The following MINK1 variants were observed in gnomAD, a reference collection of about 807,000 sequenced individuals.
The protein encoded by MINK1 is misshapen-like kinase 1.
Under a neutral mutation model 178.4 loss-of-function variants are expected in MINK1, and 46 were observed. The observed-to-expected ratio is 0.26, with a 90% CI of 0.20 to 0.33. The LOEUF is 0.33. Ranked by LOEUF, MINK1 falls within the 10% of genes least tolerant of loss-of-function variation. The pLI is 1.00. For missense variants in MINK1, 1,366 were observed against 1,814.9 expected, an observed-to-expected ratio of 0.75 and a Z score of 4.49; for synonymous variants, 797 against 709.7, an observed-to-expected ratio of 1.12 and a Z score of -1.96.
chr17:4,861,349 T>C (rs1914138708), intron 1 of MINK1, among the ~76,000 whole-genome samples: 1 of 152,178 alleles, frequency 6.6e-6, no homozygotes, highest in Non-Finnish European at 1.5e-5. Flanking sequence ...TGTACAATTA[T>C]ACATCGTAAA....
Position 4,841,526 on chromosome 17 carries a change from C to G in MINK1, c.57+7886C>G, listed in dbSNP as rs142525068. ...TATGTTTTTTTCCCACAAAGCCCCC[C>G]CTCCGATTTTGCCAGCCTTTACTGA... On this transcript the variant is annotated intron_variant, in intron 1 of 31. Coordinates refer to ENST00000355280, the MANE Select transcript of MINK1 (RefSeq NM_153827.5). Among the ~76,000 whole-genome samples, 666 of 151,338 alleles carry G rather than the reference C, an allele frequency of 4.4e-3. 7 individuals are homozygous for G. Among genetic ancestry groups the G allele is most frequent in the African/African-American group, 0.015 (613 of 41,498 alleles).
chr17:4,884,875 A>G (rs368594953), intron 5 of MINK1, 37 bp from the exon 6 acceptor site: 1 of 1,593,134 alleles, frequency 6.3e-7, no homozygotes, highest in Non-Finnish European at 8.6e-7. Context: ...TACCCCATCC[A>G]ACACCATGGC....
chr17:4,889,437 G>T (rs1303135538), intron 12 of MINK1, among the ~76,000 whole-genome samples: 1 of 152,096 alleles, frequency 6.6e-6, no homozygotes, highest in Non-Finnish European at 1.5e-5. Flanking sequence ...CAGTCTCACA[G>T]CCTCTCTCGT....
chr17:4,841,185 C>T (rs1910163512), intron 1 of MINK1, among the ~76,000 whole-genome samples: 1 of 152,128 alleles, frequency 6.6e-6, no homozygotes, highest in South Asian at 2.1e-4. Flanking sequence ...GCACCAAATG[C>T]TTTTTGGTTC....
chr17:4,844,715 T>C (rs1910754755), intron 1 of MINK1: 1 of 327,058 alleles, frequency 3.1e-6, no homozygotes. Flanking sequence ...GAAGAGGACA[T>C]GCAGAAGACT....
intron 1 of MINK1, among the ~76,000 whole-genome samples, chr17:4,860,306 A>G (rs939558405): frequency 1.3e-5 from 2 of 151,752 alleles, no homozygotes; most frequent in Admixed American, 6.6e-5. Flanking sequence ...GCATTTCTAG[A>G]TTTCCACGTG....
intron 1 of MINK1, among the ~76,000 whole-genome samples, chr17:4,867,560 G>T (rs1290628129): frequency 6.6e-6 from 1 of 152,114 alleles, no homozygotes; most frequent in Non-Finnish European, 1.5e-5. Context: ...AGCACTTTGG[G>T]GGGCTAAGGT....
intron 1 of MINK1, among the ~76,000 whole-genome samples, chr17:4,855,727 G>A (rs1240657433): frequency 6.9e-5 from 10 of 144,392 alleles, no homozygotes; most frequent in Admixed American, 2.1e-4. Flanking sequence ...CCGAGATCGC[G>A]CCACTGCACT....
intron 1 of MINK1, among the ~76,000 whole-genome samples, chr17:4,861,921 A>C (rs1166652323): frequency 6.6e-6 from 1 of 152,252 alleles, no homozygotes; most frequent in Non-Finnish European, 1.5e-5. Flanking sequence ...CATGCTCACT[A>C]TGCGACAATA....
In MINK1 at chr17:4,886,169, C is replaced by T. The variant is rs991046799; in HGVS notation, c.744C>T (p.Asn248=). ...GAGCCCTCTTCCTCATTCCTCGGAA[C>T]CCTCCGCCCAGGCTCAAGTCCAAGA... is the stretch of plus-strand genomic sequence containing the variant. ...PMRALFLIPR[N]PPPRLKSKKW... Residue 248 remains asparagine (N), a synonymous_variant, in exon 9 of 32, where the codon AAC becomes AAT. Transcript: ENST00000355280. The surrounding 1 kb of genome is among the most constrained non-coding windows in gnomAD (Gnocchi z 6.1). 2.5e-6 allele frequency: 4 copies of T among 1,613,882 alleles called. No homozygotes were observed. The African/African-American group carries it at 5.3e-5, about 22-fold the overall frequency.
intron 2 of MINK1, among the ~76,000 whole-genome samples, chr17:4,879,488 CTTG>C (rs1328469604): frequency 1.3e-5 from 2 of 152,120 alleles, no homozygotes; most frequent in South Asian, 2.1e-4. Context: ...AATCTCTTGC[CTTG>C]TTGTTGCCAT....
chr17:4,851,212 T>G (rs1200922326), intron 1 of MINK1, among the ~76,000 whole-genome samples: 1 of 152,238 alleles, frequency 6.6e-6, no homozygotes, highest in Non-Finnish European at 1.5e-5. Flanking sequence ...TATGCAAATT[T>G]GTAGCATTTT....
intron 1 of MINK1, among the ~76,000 whole-genome samples, chr17:4,865,306 C>T (rs909028902): frequency 6.6e-6 from 1 of 151,078 alleles, no homozygotes; most frequent in Non-Finnish European, 1.5e-5. Context: ...TAGTGGTGGG[C>T]GCCTGTAATC....
chr17:4,867,871 C>A (rs755825008), intron 1 of MINK1, among the ~76,000 whole-genome samples: 1 of 151,778 alleles, frequency 6.6e-6, no homozygotes, highest in African/African-American at 2.4e-5. Context: ...TACATGTGAT[C>A]TTTTGATACA....
Position 4,887,742 on chromosome 17 carries a change from G to T in MINK1, c.1182G>T (p.Arg394=). The T allele has an allele frequency of 6.5e-7, 1 of 1,549,626 alleles. No homozygotes were observed. Among genetic ancestry groups the T allele is most frequent in the South Asian group, 1.2e-5 (1 of 83,738 alleles). Reference sequence around the variant, plus strand: ...ACATCAAACACCTGCTGCACCAGCGGCAGCGGCGCATAGAGGAGCAGAAGG... The same window carrying T: ...ACATCAAACACCTGCTGCACCAGCGTCAGCGGCGCATAGAGGAGCAGAAGG... ...EAHIKHLLHQ[R]QRRIEEQKEE... The change falls in exon 12 of 32, where the codon CGG becomes CGT. Residue 394 remains arginine (R), a synonymous_variant. Transcript: ENST00000355280. This position sits in a 1 kb window ranked among gnomAD's most constrained non-coding sequence, Gnocchi z 7.6.
intron 1 of MINK1, among the ~76,000 whole-genome samples, chr17:4,839,910 A>G (rs1350401133): frequency 6.6e-6 from 1 of 150,988 alleles, no homozygotes; most frequent in Non-Finnish European, 1.5e-5. Flanking sequence ...AGTAGTAGGG[A>G]GAGACATTAA....
rs1429287875 is a variant in MINK1, at chr17:4,887,260, C to T, written c.1019+81C>T. The T allele has an allele frequency of 2.1e-6, 3 of 1,409,486 alleles. No individual in the cohort carries two copies. In the Admixed American group the frequency reaches 5.9e-5, roughly 28 times the overall value. The allele number at this position is 1,409,486 out of a possible 1,614,324, so 87.3% of individuals were successfully genotyped here. On this transcript the variant is annotated intron_variant, in intron 11 of 31. Transcript: ENST00000355280. This position sits in a 1 kb window ranked among gnomAD's most constrained non-coding sequence, Gnocchi z 7.6. The stretch of plus-strand genomic sequence containing the variant: ...ACAGTGGTGCTTGGCTTTGGGGACT[C>T]TCAGCCTGGGGGTGGTGGGCACAGA...
chr17:4,835,491 G>A (rs932353581), intron 1 of MINK1, among the ~76,000 whole-genome samples: 1 of 152,182 alleles, frequency 6.6e-6, no homozygotes, highest in Non-Finnish European at 1.5e-5. Flanking sequence ...GCCACACGTG[G>A]TGGCACACAC....
chr17:4,857,530 G>A (rs1287337519), intron 1 of MINK1, among the ~76,000 whole-genome samples: 1 of 142,402 alleles, frequency 7.0e-6, no homozygotes, highest in Non-Finnish European at 1.5e-5. Context: ...GCAATGGTGC[G>A]ATCTCAGCTC....
Sources: gnomAD v4.1 joint callset for allele counts (sites outside exome capture counted in the v4.1 genomes callset) on GRCh38, gnomAD v4.1.1 for gene constraint, Gnocchi (gnomAD v3.1) non-coding constraint, MANE v1.5 for transcripts, NCBI Gene and HGNC (gene_info 2026-07-23, HGNC 2026-07-21) for gene names.